ABTB3: variants seen among roughly 807,000 people sequenced by gnomAD.
The protein encoded by ABTB3 is ankyrin repeat and BTB domain containing 3.
the ABTB3 span, among the ~76,000 whole-genome samples, chr12:107,366,903 A>G: frequency 1.3e-5 from 2 of 152,174 alleles, no homozygotes; most frequent in African/African-American, 4.8e-5. Context: ...GAAGCACTCC[A>G]CTGAGAGACC....
the ABTB3 span, among the ~76,000 whole-genome samples, chr12:107,374,477 A>G: frequency 6.6e-6 from 1 of 152,100 alleles, no homozygotes; most frequent in East Asian, 1.9e-4. Flanking sequence ...AAATCTTTGC[A>G]CTTTGGGGCC....
the ABTB3 span, chr12:107,319,907 G>T: frequency 7.0e-7 from 1 of 1,424,130 alleles, no homozygotes; most frequent in Non-Finnish European, 9.3e-7. Flanking sequence ...CGCGGCCGCC[G>T]CAGTCCCGCC....
chr12:107,345,213 T>C, the ABTB3 span, among the ~76,000 whole-genome samples: 1 of 152,076 alleles, frequency 6.6e-6, no homozygotes, highest in Non-Finnish European at 1.5e-5. Flanking sequence ...TACCTCTGGG[T>C]TGAATAGATG....
At chr12:107,366,476 A>T in the ABTB3 span, among the ~76,000 whole-genome samples, 1 of 152,214 alleles carries the variant, frequency 6.6e-6, no homozygotes, top group Non-Finnish European at 1.5e-5. Flanking sequence ...GAGGCTGCAG[A>T]AAAGGTTCAG....
At chr12:107,442,141 G>A in the ABTB3 span, among the ~76,000 whole-genome samples, 2 of 152,294 alleles carry the variant, frequency 1.3e-5, no homozygotes, top group South Asian at 2.1e-4. Flanking sequence ...GGGCAGCGAC[G>A]AGTCTCTGCA....
chr12:107,565,132 G>C, the ABTB3 span, among the ~76,000 whole-genome samples: 1 of 152,196 alleles, frequency 6.6e-6, no homozygotes, highest in African/African-American at 2.4e-5. Context: ...AGGAGAACAG[G>C]TGCAAAGAAC....
At chr12:107,430,329 C>T in the ABTB3 span, among the ~76,000 whole-genome samples, 38 of 152,282 alleles carry the variant, frequency 2.5e-4, no homozygotes, top group Admixed American at 1.2e-3. Context: ...GCCCAGGCAT[C>T]GCAGATTACT....
chr12:107,555,393 C>T, the ABTB3 span, among the ~76,000 whole-genome samples: 1 of 152,182 alleles, frequency 6.6e-6, no homozygotes, highest in Non-Finnish European at 1.5e-5. Flanking sequence ...AGGTGACAAG[C>T]TACGAGGTTC....
At chr12:107,386,129 A>C in the ABTB3 span, among the ~76,000 whole-genome samples, 1 of 152,132 alleles carries the variant, frequency 6.6e-6, no homozygotes, top group African/African-American at 2.4e-5. Context: ...TTGCCCTGGC[A>C]CTTACCTCTG....
At chr12:107,320,317 T>TGCGGG in the ABTB3 span, among the ~76,000 whole-genome samples, 1 of 152,172 alleles carries the variant, frequency 6.6e-6, no homozygotes, top group Non-Finnish European at 1.5e-5. Flanking sequence ...CCGCCCCCGG[T>TGCGGG]GCGGGGCGGG....
At chr12:107,347,486 T>C in the ABTB3 span, among the ~76,000 whole-genome samples, 3 of 152,116 alleles carry the variant, frequency 2.0e-5, no homozygotes, top group Non-Finnish European at 4.4e-5. Flanking sequence ...GCTCCCAAGA[T>C]GGCTTCTTAC....
At chr12:107,379,273 T>C in the ABTB3 span, among the ~76,000 whole-genome samples, 1 of 152,094 alleles carries the variant, frequency 6.6e-6, no homozygotes, top group African/African-American at 2.4e-5. Context: ...TTGATAGGGT[T>C]TGTCTGTGTC....
At chr12:107,426,713 G>C in the ABTB3 span, among the ~76,000 whole-genome samples, 2 of 152,236 alleles carry the variant, frequency 1.3e-5, no homozygotes, top group Non-Finnish European at 2.9e-5. Flanking sequence ...ACACCAGCCA[G>C]CAAATGTCCT....
At chr12:107,573,220 C>T in the ABTB3 span, among the ~76,000 whole-genome samples, 2 of 152,198 alleles carry the variant, frequency 1.3e-5, no homozygotes, top group African/African-American at 4.8e-5. Context: ...AGCACCTGAG[C>T]TTCCTCCCTA....
At chr12:107,473,145 A>G in the ABTB3 span, among the ~76,000 whole-genome samples, 2 of 152,092 alleles carry the variant, frequency 1.3e-5, no homozygotes, top group African/African-American at 4.8e-5. Context: ...CTCTGGGGCA[A>G]GATTATTTTT....
the ABTB3 span, among the ~76,000 whole-genome samples, chr12:107,477,666 C>G: frequency 5.3e-5 from 8 of 151,888 alleles, no homozygotes; most frequent in African/African-American, 1.9e-4. Flanking sequence ...TTTTATGCAC[C>G]AACACGCATA....
the ABTB3 span, among the ~76,000 whole-genome samples, chr12:107,566,115 C>T: frequency 1.3e-5 from 2 of 152,310 alleles, no homozygotes; most frequent in South Asian, 2.1e-4. Context: ...TGCTAAATAG[C>T]CAAATGGTGG....
chr12:107,618,033 C>T, the ABTB3 span: 2 of 812,600 alleles, frequency 2.5e-6, no homozygotes, highest in South Asian at 1.8e-5. Flanking sequence ...AAAGTGCCAC[C>T]CATTGATCTT....
chr12:107,396,304 C>T, the ABTB3 span, among the ~76,000 whole-genome samples: 2 of 152,362 alleles, frequency 1.3e-5, no homozygotes, highest in African/African-American at 4.8e-5. Flanking sequence ...TCTTCCCTGC[C>T]TGCACTGAAC....
Sources: allele counts gnomAD v4.1 joint callset (sites outside exome capture counted in the v4.1 genomes callset), GRCh38; gene constraint gnomAD v4.1.1; transcripts MANE v1.5; gene names NCBI Gene and HGNC (gene_info 2026-07-23, HGNC 2026-07-21).